Variants in ZNF536 observed in about 807,000 individuals in gnomAD.
The protein encoded by ZNF536 is zinc finger protein 536.
In ZNF536, 13 loss-of-function variants were observed where a neutral mutation model predicts 84.5. That is an observed-to-expected ratio of 0.15 (90% CI 0.10 to 0.24). The LOEUF (loss-of-function observed/expected upper bound fraction) is 0.24, where lower values mean the gene tolerates loss of function less well. Among genes scored for constraint, ZNF536 ranks in the 10% least tolerant of loss-of-function variants. The pLI is 1.00. For synonymous variants in ZNF536, 811 were observed against 742.5 expected (o/e 1.09, Z -1.50); for missense variants, 1,536 against 1,747.5 (o/e 0.88, Z 2.16).
chr19:30,581,870 G>C (rs1000399865), intron 1 of ZNF536, among the ~76,000 whole-genome samples: 4 of 152,182 alleles, frequency 2.6e-5, no homozygotes, highest in Admixed American at 2.0e-4. Flanking sequence ...GGAGGCAGAG[G>C]TTGCAGTAAG....
intron 1 of ZNF536, among the ~76,000 whole-genome samples, chr19:30,576,845 C>T (rs1355935797): frequency 2.0e-5 from 3 of 152,224 alleles, no homozygotes; most frequent in African/African-American, 7.2e-5. Flanking sequence ...AGGATCCGGC[C>T]TTTCCTGGAG....
intron 1 of ZNF536, chr19:30,665,715 G>A (rs947357950): frequency 8.5e-5 from 13 of 152,282 alleles, no homozygotes; most frequent in Admixed American, 7.9e-4. Context: ...TCCATTCCAG[G>A]CTCGAGGGAA....
chr19:30,380,549 C>A (rs1183783835), intron 1 of ZNF536, among the ~76,000 whole-genome samples: 1 of 152,210 alleles, frequency 6.6e-6, no homozygotes, highest in South Asian at 2.1e-4. Context: ...TTTTTTAGCA[C>A]TCTGTAATTC....
At chr19:30,677,384 GC>G (rs1159935180) in intron 1 of ZNF536, among the ~76,000 whole-genome samples, 3 of 152,348 alleles carry the variant, frequency 2.0e-5, no homozygotes, top group Admixed American at 6.5e-5. Context: ...TCTGAAAGGT[GC>G]CCTCCTGGCT....
At chr19:30,446,369 C>T (rs1045981015) in intron 2 of ZNF536, among the ~76,000 whole-genome samples, 1 of 151,634 alleles carries the variant, frequency 6.6e-6, no homozygotes, top group South Asian at 2.1e-4. Context: ...TTGCAATTGT[C>T]CAACCCCATT....
intron 1 of ZNF536, among the ~76,000 whole-genome samples, chr19:30,433,247 T>C (rs1461084444): frequency 1.3e-5 from 2 of 152,128 alleles, no homozygotes; most frequent in African/African-American, 4.8e-5. Flanking sequence ...TCTCCTGCAC[T>C]CCCATCCCAC....
chr19:30,235,686 AT>A (rs2144736925), intron 1 of ZNF536, among the ~76,000 whole-genome samples: 1 of 152,372 alleles, frequency 6.6e-6, no homozygotes, highest in East Asian at 1.9e-4. Context: ...TTTTCCCAAA[AT>A]TTTAATTCCC....
intron 2 of ZNF536, among the ~76,000 whole-genome samples, chr19:30,446,841 A>ACAACAACAC (rs150427729): frequency 0.47 from 68,947 of 146,940 alleles, 16,598 homozygotes; most frequent in Non-Finnish European, 0.56. Context: ...AACAACAACA[A>ACAACAACAC]AACACGCTAG....
At chr19:30,629,659 G>A (rs2048817502) in intron 1 of ZNF536, among the ~76,000 whole-genome samples, 1 of 152,240 alleles carries the variant, frequency 6.6e-6, no homozygotes, top group Non-Finnish European at 1.5e-5. Context: ...GCTGGCCGCA[G>A]TGAAAGGGTG....
chr19:30,468,574 G>C (rs1012397634), intron 2 of ZNF536, among the ~76,000 whole-genome samples: 1 of 152,162 alleles, frequency 6.6e-6, no homozygotes, highest in Non-Finnish European at 1.5e-5. Context: ...GACTTGTCCA[G>C]ATGTCACTTG....
At chr19:30,287,687 T>C (rs2045693144) in intron 2 of ZNF536, among the ~76,000 whole-genome samples, 1 of 142,936 alleles carries the variant, frequency 7.0e-6, no homozygotes, top group Non-Finnish European at 1.5e-5. Context: ...GATGGATGGA[T>C]GGATGGATGG....
intron 1 of ZNF536, among the ~76,000 whole-genome samples, chr19:30,407,693 A>G (rs8109568): frequency 0.48 from 72,431 of 152,070 alleles, 20,298 homozygotes; most frequent in Non-Finnish European, 0.62. Flanking sequence ...CCTTATGCAT[A>G]TATATTCTCT....
chr19:30,474,840 T>C (rs2053779789), intron 2 of ZNF536, among the ~76,000 whole-genome samples: 1 of 152,052 alleles, frequency 6.6e-6, no homozygotes, highest in Admixed American at 6.5e-5. Context: ...AGAGAGTATA[T>C]GTTCTCTGTG....
chr19:30,687,611 A>G lies in ZNF536; in HGVS notation c.170-23146A>G, dbSNP rs550029514. On this transcript the variant is annotated intron_variant, in intron 1 of 1. Coordinates refer to the ZNF536 transcript ENST00000592773. ...CGTTCACTTTCAACCTATGAGCTCA[A>G]TTAAAAAAGGTCTATTTACTGTCGA... 5.9e-5 allele frequency among the ~76,000 whole-genome samples: 9 copies of G among 152,334 alleles called. No individual in the cohort carries two copies. The South Asian group carries it at 1.9e-3, about 32-fold the overall frequency.
At chr19:30,249,000 A>G (rs531871608) in intron 1 of ZNF536, among the ~76,000 whole-genome samples, 1 of 152,276 alleles carries the variant, frequency 6.6e-6, no homozygotes, top group Admixed American at 6.5e-5. Context: ...GGTTGTGCAT[A>G]ATTAATGCGT....
chr19:30,494,952 GA>G (rs35362561), intron 2 of ZNF536, among the ~76,000 whole-genome samples: 1,129 of 89,178 alleles, frequency 0.013, 4 homozygotes, highest in East Asian at 0.041. Context: ...TCTCAAAAAA[GA>G]AAAAAAAAAA....
intron 1 of ZNF536, among the ~76,000 whole-genome samples, chr19:30,609,043 G>A (rs1054048429): frequency 6.6e-6 from 1 of 152,206 alleles, no homozygotes. Flanking sequence ...GTAACTGCTT[G>A]CTGAATTCGA....
At chr19:30,594,090 A>G (rs1022034622) in intron 1 of ZNF536, among the ~76,000 whole-genome samples, 6 of 152,130 alleles carry the variant, frequency 3.9e-5, no homozygotes, top group African/African-American at 1.4e-4. Context: ...TCAAACACCA[A>G]AGTTCAATGA....
chr19:30,675,359 G>A (rs761473195), intron 1 of ZNF536, among the ~76,000 whole-genome samples: 6 of 152,194 alleles, frequency 3.9e-5, no homozygotes, highest in African/African-American at 7.2e-5. Flanking sequence ...AAAGGTGTCC[G>A]TTGCTCTATG....
Sources: gnomAD v4.1 joint callset for allele counts (sites outside exome capture counted in the v4.1 genomes callset) on GRCh38, gnomAD v4.1.1 for gene constraint, MANE v1.5 for transcripts, NCBI Gene and HGNC (gene_info 2026-07-23, HGNC 2026-07-21) for gene names.